The following PPFIBP1 variants were observed in gnomAD, a reference collection of about 807,000 sequenced individuals.
PPFIBP1 encodes liprin-beta-1.
A neutral mutation model predicts 137.8 loss-of-function variants in PPFIBP1; 112 were observed. The observed-to-expected ratio is 0.81, with a 90% confidence interval of 0.70 to 0.95. PPFIBP1 has a LOEUF of 0.95. PPFIBP1 is among the 40% of genes least tolerant of loss of function. The pLI is 0.00. For synonymous variants in PPFIBP1, 378 were observed against 417.3 expected (o/e 0.91, Z 1.15); for missense variants, 1,083 against 1,196.6 (o/e 0.91, Z 1.40).
chr12:27,671,933 A>G (rs559696202), intron 14 of PPFIBP1, among the ~76,000 whole-genome samples: 1 of 152,202 alleles, frequency 6.6e-6, no homozygotes, highest in South Asian at 2.1e-4. Flanking sequence ...TTAGCTGAGT[A>G]TGGTGGCACA....
At chr12:27,617,153 A>G (rs889933537) in intron 2 of PPFIBP1, among the ~76,000 whole-genome samples, 1 of 152,238 alleles carries the variant, frequency 6.6e-6, no homozygotes, top group Admixed American at 6.5e-5. Flanking sequence ...AAAGACATCC[A>G]ATAGAGGTGG....
At chr12:27,676,952 C>A (rs1460382279) in intron 18 of PPFIBP1, 112 bp from the exon 19 acceptor site, 1 of 1,411,296 alleles carries the variant, frequency 7.1e-7, no homozygotes, top group Admixed American at 1.7e-5. Flanking sequence ...CATGCCTCTC[C>A]TCCACGGTGT....
chr12:27,573,513 T>C (rs976073436), intron 1 of PPFIBP1, among the ~76,000 whole-genome samples: 1 of 151,876 alleles, frequency 6.6e-6, no homozygotes, highest in African/African-American at 2.4e-5. Flanking sequence ...GGAGTAGATA[T>C]GATATACTGA....
intron 1 of PPFIBP1, among the ~76,000 whole-genome samples, chr12:27,571,299 C>G (rs1427200115): frequency 2.0e-5 from 3 of 151,944 alleles, no homozygotes; most frequent in Non-Finnish European, 4.4e-5. Flanking sequence ...GCTCATTTTT[C>G]CAGGTTTTTC....
chr12:27,687,776 T>C (rs376832125), intron 25 of PPFIBP1, among the ~76,000 whole-genome samples: 1 of 152,264 alleles, frequency 6.6e-6, no homozygotes, highest in East Asian at 1.9e-4. Context: ...CAGAGATAAA[T>C]ATCACTATAA....
At chr12:27,627,149 A>C (rs1188981928) in intron 2 of PPFIBP1, among the ~76,000 whole-genome samples, 1 of 152,148 alleles carries the variant, frequency 6.6e-6, no homozygotes, top group Non-Finnish European at 1.5e-5. Context: ...TGTACAGTAA[A>C]TTATTGTTGA....
intron 1 of PPFIBP1, among the ~76,000 whole-genome samples, chr12:27,568,067 G>T (rs942566243): frequency 2.0e-5 from 3 of 152,118 alleles, no homozygotes; most frequent in African/African-American, 7.2e-5. Flanking sequence ...AACGGGAAAA[G>T]AATAAAATTT....
chr12:27,591,940 G>T (rs1004936531), intron 2 of PPFIBP1, among the ~76,000 whole-genome samples: 1 of 152,224 alleles, frequency 6.6e-6, no homozygotes, highest in African/African-American at 2.4e-5. Flanking sequence ...AAATCATCCT[G>T]CCACCGCAGG....
At chr12:27,567,212 T>C (rs776298356) in intron 1 of PPFIBP1, among the ~76,000 whole-genome samples, 2 of 152,246 alleles carry the variant, frequency 1.3e-5, no homozygotes, top group Non-Finnish European at 2.9e-5. Flanking sequence ...CTCAGGTTCT[T>C]CAGTGAATAA....
At chr12:27,540,914 T>A (rs892175631) in intron 1 of PPFIBP1, among the ~76,000 whole-genome samples, 1 of 152,254 alleles carries the variant, frequency 6.6e-6, no homozygotes, top group Non-Finnish European at 1.5e-5. Flanking sequence ...GTATTTCACT[T>A]ATGAATCCTC....
chr12:27,673,560 TATTGGCAGGACAGTTA>T (rs2060329007), intron 15 of PPFIBP1, among the ~76,000 whole-genome samples, 191 bp from the exon 16 acceptor site: 2 of 152,302 alleles, frequency 1.3e-5, no homozygotes, highest in Admixed American at 1.3e-4. Flanking sequence ...CAGTTAGAAT[TATTGGCAGGACAGTTA>T]ATCACCCCTG....
chr12:27,655,835 G>A (rs770884796), intron 8 of PPFIBP1, among the ~76,000 whole-genome samples: 1 of 152,192 alleles, frequency 6.6e-6, no homozygotes, highest in Non-Finnish European at 1.5e-5. Flanking sequence ...AAAATGTGAT[G>A]TTGAATATAA....
chr12:27,548,197 T>C (rs910256590), intron 1 of PPFIBP1: 3 of 152,166 alleles, frequency 2.0e-5, no homozygotes, highest in Non-Finnish European at 4.4e-5. Flanking sequence ...TGAATAATTT[T>C]CCCCAAGCAT....
Position 27,689,049 on chromosome 12 carries a change from C to A in PPFIBP1, c.2531C>A (p.Ala844Asp). The A allele has an allele frequency of 6.2e-7, 1 of 1,613,146 alleles. No individual in the cohort carries two copies. Among genetic ancestry groups the A allele is most frequent in the Non-Finnish European group, 8.5e-7 (1 of 1,179,804 alleles). Reference protein sequence around the residue: ...LEPRFNVETMAQLLNIPPNKT... With the variant: ...LEPRFNVETMDQLLNIPPNKT... ...CCTCGTTTTAACGTAGAAACAATGGCTCAGTTATTGAACATCCCACCCAAT... is the reference window on the plus strand; with the variant it reads ...CCTCGTTTTAACGTAGAAACAATGGATCAGTTATTGAACATCCCACCCAAT... Residue 844 changes from alanine (A) to aspartate (D), a missense_variant, in exon 27 of 30, where the codon GCT becomes GAT. Physicochemically the swap from Ala to Asp is moderately radical, Grantham distance 126. Transcript: ENST00000228425.
At chr12:27,592,667 T>G (rs2052662392) in intron 2 of PPFIBP1, 1 of 1,524,176 alleles carries the variant, frequency 6.6e-7, no homozygotes, top group Non-Finnish European at 9.1e-7. Context: ...TGGGAAGGAG[T>G]GTCATCCTTC....
intron 2 of PPFIBP1, among the ~76,000 whole-genome samples, chr12:27,579,389 C>T (rs979364569): frequency 7.2e-5 from 11 of 152,348 alleles, no homozygotes; most frequent in Middle Eastern, 3.4e-3. Flanking sequence ...GAACACACCT[C>T]TTCAATCAGC....
intron 2 of PPFIBP1, among the ~76,000 whole-genome samples, chr12:27,618,765 T>A (rs1592898678): frequency 6.6e-6 from 1 of 152,256 alleles, no homozygotes; most frequent in Non-Finnish European, 1.5e-5. Flanking sequence ...TCACAGGCTG[T>A]TGGTCACTCA....
rs777869776 is a variant in PPFIBP1 at position 27,566,348 on chromosome 12, T to TTAGCTC, written c.-123-11803_-123-11802insAGCTCT. 4.8e-3 allele frequency among the ~76,000 whole-genome samples: 737 copies of TTAGCTC among 152,348 alleles called. 6 individuals carry two copies. In the Middle Eastern group the frequency reaches 0.061, roughly 13 times the overall value. On this transcript the variant is annotated intron_variant, in intron 1 of 29. Transcript: ENST00000228425. Reference sequence around the variant, plus strand: ...CTTCCACAGAAGATTAGCTCTGTGATTGTATTCCAGGACAGCTGACTCCAC... The same window carrying TTAGCTC: ...CTTCCACAGAAGATTAGCTCTGTGATTAGCTCTGTATTCCAGGACAGCTGACTCCAC...
At chr12:27,646,921 T>C (rs2058541674) in intron 5 of PPFIBP1, among the ~76,000 whole-genome samples, 1 of 152,224 alleles carries the variant, frequency 6.6e-6, no homozygotes, top group Non-Finnish European at 1.5e-5. Flanking sequence ...TTGGGTATAT[T>C]GAGTTGCCCC....
Sources: allele counts gnomAD v4.1 joint callset (sites outside exome capture counted in the v4.1 genomes callset), GRCh38; gene constraint gnomAD v4.1.1; transcripts MANE v1.5; gene names NCBI Gene and HGNC (gene_info 2026-07-23, HGNC 2026-07-21).